The following NUDT4 variants were observed in gnomAD, a reference collection of about 807,000 sequenced individuals.
NUDT4 encodes diphosphoinositol polyphosphate phosphohydrolase 2.
In NUDT4, 5 loss-of-function variants were observed where a neutral mutation model predicts 23.1. That is an observed-to-expected ratio of 0.22 (90% CI 0.11 to 0.46). The LOEUF (loss-of-function observed/expected upper bound fraction) is 0.46. Among genes scored for constraint, NUDT4 ranks in the 20% least tolerant of loss-of-function variants. The probability of loss-of-function intolerance (pLI) is 0.99; values close to 1 mark genes in which losing one functional copy is unlikely to be tolerated. For synonymous variants in NUDT4, 50 were observed against 79.0 expected (o/e 0.63, Z 1.95); for missense variants, 96 against 211.6 (o/e 0.45, Z 3.39).
rs1176783522 is a variant in NUDT4, at chr12:93,406,095, C to G, written c.*6716C>G. ...ATCCTGGCCCAACATGGTGAAACCCCGTCTCTACTAAAAATACAAAAAATT... is the reference window on the plus strand; with the variant it reads ...ATCCTGGCCCAACATGGTGAAACCCGGTCTCTACTAAAAATACAAAAAATT... On this transcript the variant is annotated 3_prime_UTR_variant, in exon 5 of 5. Transcript: ENST00000415493. The G allele has an allele frequency of 6.6e-6, 1 of 151,828 alleles. No individual in the cohort carries two copies. Among genetic ancestry groups the G allele is most frequent in the Non-Finnish European group, 1.5e-5 (1 of 68,032 alleles). The allele number at this position is 151,828 out of a possible 1,614,324, so 9.4% of individuals were successfully genotyped here. A position where few individuals can be genotyped will look rare whatever the true frequency, so the allele number is the denominator to read the frequency against.
chr12:93,380,931 G>A (rs1199071059), intron 1 of NUDT4: 4 of 152,142 alleles, frequency 2.6e-5, no homozygotes, highest in African/African-American at 9.7e-5. Flanking sequence ...AGGATGAAAT[G>A]TTTATATAGA....
chr12:93,381,351 C>T (rs1875647236), intron 1 of NUDT4, among the ~76,000 whole-genome samples: 1 of 152,168 alleles, frequency 6.6e-6, no homozygotes, highest in Non-Finnish European at 1.5e-5. Context: ...TAGACAGGCC[C>T]ACAGCTAATT....
intron 1 of NUDT4, among the ~76,000 whole-genome samples, chr12:93,384,915 C>A (rs1007762679): frequency 1.3e-5 from 2 of 152,274 alleles, no homozygotes; most frequent in Admixed American, 1.3e-4. Flanking sequence ...TGCCATCACG[C>A]CTGGCTAATT....
intron 3 of NUDT4, among the ~76,000 whole-genome samples, chr12:93,398,055 C>T (rs1877060532): frequency 6.6e-6 from 1 of 151,826 alleles, no homozygotes; most frequent in African/African-American, 2.4e-5. Flanking sequence ...AAAATAACAT[C>T]AGATAGGCCA....
In NUDT4 at chr12:93,400,883, AGG is replaced by A. The variant is rs1279283308; in HGVS notation, c.*1505_*1506del. 3 of 153,136 alleles carry A rather than the reference AGG, an allele frequency of 2.0e-5. No individual in the cohort carries two copies. The allele number at this position is 153,136 out of a possible 1,614,324, so 9.5% of individuals were successfully genotyped here. ...CGACCTCCCAAAGTGCTGGGATTAC[AGG>A]CATGAGCCACCATGCCCAGCCAAAG... On this transcript the variant is annotated 3_prime_UTR_variant, in exon 5 of 5. Coordinates refer to ENST00000415493, the MANE Select transcript of NUDT4 (RefSeq NM_019094.6).
chr12:93,379,406 T>TAACC (rs1438043887), intron 1 of NUDT4, among the ~76,000 whole-genome samples: 1 of 152,168 alleles, frequency 6.6e-6, no homozygotes, highest in East Asian at 1.9e-4. Flanking sequence ...TCTGCTTTCA[T>TAACC]AACCAACCGT....
intron 1 of NUDT4, among the ~76,000 whole-genome samples, chr12:93,392,248 C>CA (rs1876582771): frequency 1.5e-5 from 2 of 137,534 alleles, no homozygotes; most frequent in South Asian, 2.7e-4. Context: ...TTGTTTCCCC[C>CA]CCCCCCTTTT....
At position 93,394,738 on chromosome 12, in the gene NUDT4, CAAATT is replaced by C. The variant is rs1298356778; in HGVS notation, c.210+20_210+24del. ...TGAGGAGGTGAGATGTTCTTTCACA[CAAATT>C]CTGTTTCGGAGTTTTAAAAACAAGG... On this transcript the variant is annotated intron_variant, in intron 2 of 4. Coordinates refer to ENST00000415493, the MANE Select transcript of NUDT4 (RefSeq NM_019094.6). The C allele has an allele frequency of 6.8e-7, 1 of 1,470,524 alleles. No homozygotes were observed. The highest frequency in any genetic ancestry group is 1.4e-5 in the African/African-American group (1 of 71,300). The allele number at this position is 1,470,524 out of a possible 1,614,324, so 91.1% of individuals were successfully genotyped here.
intron 1 of NUDT4, among the ~76,000 whole-genome samples, chr12:93,390,325 C>T (rs1264654666): frequency 6.6e-6 from 1 of 152,186 alleles, no homozygotes; most frequent in African/African-American, 2.4e-5. Flanking sequence ...TTGCTGTTTA[C>T]TTTTCCAGTG....
chr12:93,384,630 C>T (rs1200837716), intron 1 of NUDT4, among the ~76,000 whole-genome samples: 1 of 152,188 alleles, frequency 6.6e-6, no homozygotes, highest in Non-Finnish European at 1.5e-5. Flanking sequence ...TGTTTGGCTG[C>T]ATTCAAAACC....
At chr12:93,389,109 A>G (rs1049639191) in intron 1 of NUDT4, among the ~76,000 whole-genome samples, 1 of 152,202 alleles carries the variant, frequency 6.6e-6, no homozygotes, top group African/African-American at 2.4e-5. Context: ...GCCTTAAGCT[A>G]GTAGTTTAGA....
chr12:93,383,669 T>C (rs1049287432), intron 1 of NUDT4, among the ~76,000 whole-genome samples: 3 of 152,132 alleles, frequency 2.0e-5, no homozygotes, highest in Non-Finnish European at 4.4e-5. Context: ...TCGTCTCTAC[T>C]AAAAATACAA....
rs1333253966 is a variant in NUDT4, at chr12:93,402,373, T to G, written c.*2994T>G. The G allele has an allele frequency of 6.6e-6, 1 of 152,220 alleles. No homozygotes were observed. The highest frequency in any genetic ancestry group is 2.4e-5 in the African/African-American group (1 of 41,454). 9.4% of individuals were successfully genotyped at this position (152,220 alleles called of 1,614,324 possible). A position where few individuals can be genotyped will look rare whatever the true frequency, so the allele number is the denominator to read the frequency against. On this transcript the variant is annotated 3_prime_UTR_variant, in exon 5 of 5. Transcript: ENST00000415493. ...TGGGTAAGGTGTATGCTTTTAACTT[T>G]GAAATGTATAAACACCCAGCGGAAA...
In NUDT4 at chr12:93,399,310, C is replaced by G. The variant is rs773658830; in HGVS notation, c.474C>G (p.Ser158=). The G allele has an allele frequency of 9.6e-7, 1 of 1,044,690 alleles. No homozygotes were observed. The highest frequency in any genetic ancestry group is 1.3e-5 in the South Asian group (1 of 78,264). The allele number at this position is 1,044,690 out of a possible 1,614,324, so 64.7% of individuals were successfully genotyped here. Residue 158 remains serine (S), a synonymous_variant, in exon 5 of 5, where the codon TCC becomes TCG. Coordinates refer to ENST00000415493, the MANE Select transcript of NUDT4 (RefSeq NM_019094.6). The part of the protein sequence containing the change: ...SPANGNSTVP[S]LPDNNALFVT... The stretch of plus-strand genomic sequence containing the variant: ...CCAATGGAAATTCTACAGTCCCTTC[C>G]CTTCCGGATAATAATGCCTTGTTTG...
At chr12:93,393,400 G>A (rs1876703195) in intron 1 of NUDT4, among the ~76,000 whole-genome samples, 1 of 152,082 alleles carries the variant, frequency 6.6e-6, no homozygotes. Context: ...ACCACGCCCG[G>A]CCACATTTCA....
chr12:93,390,895 G>T (rs1228991313), intron 1 of NUDT4, among the ~76,000 whole-genome samples: 2 of 152,108 alleles, frequency 1.3e-5, no homozygotes, highest in Non-Finnish European at 2.9e-5. Flanking sequence ...GCCTGGCCTG[G>T]AATGCTGCTT....
At position 93,399,402 on chromosome 12, in the gene NUDT4, C is replaced by T. The variant is rs200062744; in HGVS notation, c.*23C>T. 31 of 602,040 alleles carry T rather than the reference C, an allele frequency of 5.1e-5. No individual in the cohort carries two copies. The African/African-American group carries it at 5.5e-4, about 11-fold the overall frequency. 37.3% of individuals were successfully genotyped at this position (602,040 alleles called of 1,614,324 possible). A position where few individuals can be genotyped will look rare whatever the true frequency, so the allele number is the denominator to read the frequency against. ...TAGAGAGAACTGGGTAGGCCTCTCC[C>T]ACCATGTGCAGTCTCATGGGGAGAG... On this transcript the variant is annotated 3_prime_UTR_variant, in exon 5 of 5. Transcript: ENST00000415493.
At chr12:93,383,054 T>C (rs1364281046) in intron 1 of NUDT4, among the ~76,000 whole-genome samples, 1 of 151,768 alleles carries the variant, frequency 6.6e-6, no homozygotes, top group Non-Finnish European at 1.5e-5. Context: ...AACCAGGCAT[T>C]AACGTAGAAT....
intron 1 of NUDT4, among the ~76,000 whole-genome samples, chr12:93,379,044 G>A (rs182611034): frequency 6.6e-6 from 1 of 152,306 alleles, no homozygotes; most frequent in East Asian, 1.9e-4. Flanking sequence ...AGTGAAAAAT[G>A]TGGAATAATG....
Sources: allele counts gnomAD v4.1 joint callset (sites outside exome capture counted in the v4.1 genomes callset), GRCh38; gene constraint gnomAD v4.1.1; transcripts MANE v1.5; gene names NCBI Gene and HGNC (gene_info 2026-07-23, HGNC 2026-07-21).